MAP2K3: variants seen among roughly 807,000 people sequenced by gnomAD.
MAP2K3 encodes the protein dual specificity mitogen-activated protein kinase kinase 3.
MAP2K3 carries 30 observed loss-of-function variants against 46.4 expected under a neutral mutation model. The observed-to-expected ratio is 0.65, with a 90% CI of 0.48 to 0.88. The LOEUF (loss-of-function observed/expected upper bound fraction) is 0.88. Ranked by LOEUF, MAP2K3 falls within the 40% of genes least tolerant of loss-of-function variation. The pLI, the probability that MAP2K3 is intolerant of heterozygous loss-of-function variation, is 0.00. For synonymous variants in MAP2K3, 189 were observed against 176.3 expected (o/e 1.07, Z -0.57); for missense variants, 380 against 464.5 (o/e 0.82, Z 1.67).
chr17:21,295,728 G>T (rs1247940290), intron 1 of MAP2K3: 4 of 1,289,460 alleles, frequency 3.1e-6, no homozygotes, highest in East Asian at 1.1e-4. Flanking sequence ...GAGGAGCGTG[G>T]TCCCCACCCA....
chr17:21,295,701 A>G, intron 1 of MAP2K3: 2 of 1,289,516 alleles, frequency 1.6e-6, no homozygotes, highest in South Asian at 1.2e-5. Context: ...GCCAGTCCAT[A>G]TACCACCCAG....
At chr17:21,303,135 A>G (rs1356234406) in intron 6 of MAP2K3, 48 bp from the exon 7 acceptor site, 3 of 1,612,528 alleles carry the variant, frequency 1.9e-6, no homozygotes, top group African/African-American at 1.3e-5. Context: ...TGACGTGACC[A>G]GGAATAACAG....
At chr17:21,299,203 C>T (rs1297841180) in intron 3 of MAP2K3, among the ~76,000 whole-genome samples, 2 of 152,420 alleles carry the variant, frequency 1.3e-5, no homozygotes, top group South Asian at 2.1e-4. Context: ...CCCTGCACCT[C>T]ATCCTAGCCC....
chr17:21,292,750 G>A (rs952976428), intron 1 of MAP2K3, among the ~76,000 whole-genome samples: 148 of 151,780 alleles, frequency 9.8e-4, no homozygotes, highest in African/African-American at 3.5e-3. Context: ...GCCTCCCAAA[G>A]TGCTGGGATT....
chr17:21,302,077 G>A (rs1438426208), intron 5 of MAP2K3, 66 bp from the exon 6 acceptor site: 12 of 1,493,644 alleles, frequency 8.0e-6, no homozygotes, highest in African/African-American at 1.4e-5. Context: ...TGCTGGGGCA[G>A]GCAGTGCAGG....
chr17:21,298,203 T>C (rs756362652), intron 1 of MAP2K3: 3,060 of 762,850 alleles, frequency 4.0e-3, no homozygotes, highest in Non-Finnish European at 5.8e-3. Context: ...CCTCCAGGCC[T>C]GGGTCTGTCC....
At chr17:21,302,095 G>A in intron 5 of MAP2K3, 48 bp from the exon 6 acceptor site, 1 of 1,597,554 alleles carries the variant, frequency 6.3e-7, no homozygotes, top group Non-Finnish European at 8.6e-7. Flanking sequence ...AGGTGGTGCA[G>A]ACACGGGCAG....
intron 9 of MAP2K3, among the ~76,000 whole-genome samples, chr17:21,309,984 G>GT (rs368651155): frequency 5.1e-4 from 77 of 150,202 alleles, no homozygotes; most frequent in Non-Finnish European, 6.2e-4. Context: ...CTCTCTCTCT[G>GT]TTTTTTTTGT....
At chr17:21,302,529 A>T (rs973330704) in intron 6 of MAP2K3, among the ~76,000 whole-genome samples, 45 of 152,302 alleles carry the variant, frequency 3.0e-4, no homozygotes, top group Non-Finnish European at 5.6e-4. Flanking sequence ...CCAACTCTTG[A>T]GTTCCAGATC....
rs9906607 is a variant in MAP2K3 at position 21,308,235 on chromosome 17, C to G, written c.774+3107C>G. On this transcript the variant is annotated intron_variant, in intron 9 of 11. Coordinates refer to ENST00000342679, the MANE Select transcript of MAP2K3 (RefSeq NM_145109.3). ...CAATCTCAGTTCACTGCAACCTCCG[C>G]CTCCCAGGTTCAAGCAATTCTCTTG... Among the ~76,000 whole-genome samples, 97 of 152,168 alleles carry G rather than the reference C, an allele frequency of 6.4e-4. No individual in the cohort carries two copies. The East Asian group carries it at 7.1e-3, about 11-fold the overall frequency.
At chr17:21,302,341 T>TGA in intron 6 of MAP2K3, 82 bp downstream of exon 6, 1 of 1,457,496 alleles carries the variant, frequency 6.9e-7, no homozygotes, top group Non-Finnish European at 9.6e-7. Flanking sequence ...GGAGCCTGCC[T>TGA]ATTGATGGTG....
Position 21,313,542 on chromosome 17 carries a change from G to C in MAP2K3, c.960+5G>C, listed in dbSNP as rs1347418428. On this transcript the variant is annotated splice_donor_5th_base_variant and intron_variant, in intron 11 of 11. Transcript: ENST00000342679. The stretch of plus-strand genomic sequence containing the variant: ...ATGAGCTACCTGGAGCTGATGGTGA[G>C]TATGGGCGGGAGGTGCCTGCCCTGC... 7.2e-7 allele frequency: 1 copy of C among 1,394,362 alleles called. No homozygotes were observed. Among genetic ancestry groups the C allele is most frequent in the Non-Finnish European group, 9.7e-7 (1 of 1,029,188 alleles). The allele number at this position is 1,394,362 out of a possible 1,614,324, so 86.4% of individuals were successfully genotyped here.
chr17:21,295,085 C>T (rs911858625), intron 1 of MAP2K3, among the ~76,000 whole-genome samples: 15 of 152,422 alleles, frequency 9.8e-5, no homozygotes, highest in Admixed American at 3.3e-4. Context: ...AAAGGCAAGA[C>T]GACGTAGTAG....
intron 10 of MAP2K3, among the ~76,000 whole-genome samples, chr17:21,312,691 C>T (rs1468741633): frequency 1.3e-5 from 2 of 151,970 alleles, no homozygotes; most frequent in Admixed American, 6.6e-5. Flanking sequence ...CCGAGGCAGG[C>T]GGATCCCGAG....
chr17:21,300,507 A>C (rs1597815977), intron 3 of MAP2K3, 38 bp from the exon 4 acceptor site: 1 of 1,573,192 alleles, frequency 6.4e-7, no homozygotes, highest in Non-Finnish European at 8.6e-7. Context: ...ACTGGCTTCC[A>C]GCTTGCTGGC....
chr17:21,285,205 C>A, intron 1 of MAP2K3: 1 of 982,202 alleles, frequency 1.0e-6, no homozygotes, highest in Non-Finnish European at 1.2e-6. Flanking sequence ...AGGCTGGACC[C>A]AGACTAGGAC....
chr17:21,303,371 G>T, intron 7 of MAP2K3, 137 bp downstream of exon 7: 1 of 1,240,558 alleles, frequency 8.1e-7, no homozygotes, highest in East Asian at 2.5e-5. Flanking sequence ...GGTTCCAGCC[G>T]CTTTCCACCT....
intron 1 of MAP2K3, chr17:21,295,773 G>A (rs992015376): frequency 7.8e-7 from 1 of 1,289,546 alleles, no homozygotes; most frequent in African/African-American, 1.5e-5. Flanking sequence ...TTGACAGGTG[G>A]GGAAACTGAG....
chr17:21,314,427 C>T lies in MAP2K3; in HGVS notation c.*197C>T. ...AGAAGCAGACCATTGGGGCTCCCAG[C>T]CAGGCCCTTGTCGGCCCCACCAGTG... On this transcript the variant is annotated 3_prime_UTR_variant, in exon 12 of 12. Coordinates refer to ENST00000342679, the MANE Select transcript of MAP2K3 (RefSeq NM_145109.3). The T allele has an allele frequency of 1.7e-6, 1 of 592,286 alleles. No homozygotes were observed. Among genetic ancestry groups the T allele is most frequent in the Admixed American group, 2.9e-5 (1 of 34,546 alleles). 36.7% of individuals were successfully genotyped at this position (592,286 alleles called of 1,614,324 possible).
Sources: allele counts gnomAD v4.1 joint callset (sites outside exome capture counted in the v4.1 genomes callset), GRCh38; gene constraint gnomAD v4.1.1; transcripts MANE v1.5; gene names NCBI Gene and HGNC (gene_info 2026-07-23, HGNC 2026-07-21).